Variants in NRG3 observed in about 807,000 individuals in gnomAD.
NRG3 encodes the protein pro-neuregulin-3, membrane-bound isoform.
In NRG3, 31 loss-of-function variants were observed where a neutral mutation model predicts 66.9. The ratio of observed to expected loss-of-function variants is 0.46; its 90% confidence interval spans 0.35 to 0.63. The LOEUF (loss-of-function observed/expected upper bound fraction) is 0.63. Ranked by LOEUF, NRG3 falls within the 20% of genes least tolerant of loss-of-function variation. The pLI is 0.00. For missense variants in NRG3, 910 were observed against 878.9 expected, an observed-to-expected ratio of 1.04 and a Z score of -0.45; for synonymous variants, 393 against 359.4, an observed-to-expected ratio of 1.09 and a Z score of -1.06.
chr10:81,911,059 C>A (rs1307660194), intron 1 of NRG3, among the ~76,000 whole-genome samples: 3 of 152,144 alleles, frequency 2.0e-5, no homozygotes, highest in Non-Finnish European at 2.9e-5. Flanking sequence ...TTTGTGCCAG[C>A]AGATTTTTTT....
intron 2 of NRG3, among the ~76,000 whole-genome samples, chr10:82,441,801 C>T (rs1231133881): frequency 6.6e-6 from 1 of 152,164 alleles, no homozygotes; most frequent in Non-Finnish European, 1.5e-5. Flanking sequence ...CACACACAGC[C>T]TGCTGTGGTG....
chr10:82,636,570 TCC>T (rs1353549393), intron 2 of NRG3, among the ~76,000 whole-genome samples: 4 of 152,214 alleles, frequency 2.6e-5, no homozygotes, highest in Non-Finnish European at 5.9e-5. Context: ...TCCAGGGTTA[TCC>T]ATGTTGCAGC....
chr10:82,462,339 C>A (rs1034224486), intron 2 of NRG3, among the ~76,000 whole-genome samples: 9 of 151,968 alleles, frequency 5.9e-5, no homozygotes, highest in African/African-American at 2.2e-4. Context: ...CTTCTTCTGT[C>A]TCTGCTGCTC....
chr10:82,815,446 T>C (rs1427318325), intron 3 of NRG3, among the ~76,000 whole-genome samples: 1 of 152,196 alleles, frequency 6.6e-6, no homozygotes, highest in Non-Finnish European at 1.5e-5. Flanking sequence ...GACACTTTTG[T>C]TTCTTTAAAT....
intron 2 of NRG3, among the ~76,000 whole-genome samples, chr10:82,417,848 T>A (rs1040052589): frequency 2.0e-5 from 3 of 152,120 alleles, no homozygotes; most frequent in Non-Finnish European, 4.4e-5. Context: ...CCTTGTAACA[T>A]CAGTCTGGCT....
At chr10:82,317,439 CT>C (rs1418858881) in intron 1 of NRG3, among the ~76,000 whole-genome samples, 2 of 152,100 alleles carry the variant, frequency 1.3e-5, no homozygotes, top group African/African-American at 4.8e-5. Context: ...ATATTCTTCT[CT>C]TTAGGTCATA....
intron 1 of NRG3, among the ~76,000 whole-genome samples, chr10:81,900,238 GCGCCTGGCCGGTTTTT>G (rs1843917215): frequency 6.8e-6 from 1 of 146,024 alleles, no homozygotes; most frequent in South Asian, 2.1e-4. Flanking sequence ...ATGAGCCAAT[GCGCCTGGCCGGTTTTT>G]AACGCACACT....
intron 2 of NRG3, among the ~76,000 whole-genome samples, chr10:82,669,247 GGTAATA>G (rs1565184923): frequency 1.1e-5 from 1 of 88,712 alleles, no homozygotes; most frequent in African/African-American, 4.8e-5. Flanking sequence ...CATTTATGAT[GGTAATA>G]ATAATAATAA....
intron 1 of NRG3, among the ~76,000 whole-genome samples, chr10:81,918,856 T>G (rs1019744592): frequency 6.7e-6 from 1 of 149,282 alleles, no homozygotes; most frequent in Non-Finnish European, 1.5e-5. Context: ...CCATAAGCAT[T>G]GAATAGAATC....
In NRG3 at chr10:82,370,949, AACAC is replaced by A. The variant is rs145443212; in HGVS notation, c.953+12105_953+12108del. ...AAGGCAGCTTAAAATCCACCTTACA[AACAC>A]ACACACACACACACACACACACATT... On this transcript the variant is annotated intron_variant, in intron 2 of 8. Transcript: ENST00000372141. Among the ~76,000 whole-genome samples the A allele has an allele frequency of 7.6e-3, 1,113 of 147,180 alleles. 13 individuals are homozygous for A. Among genetic ancestry groups the A allele is most frequent in the African/African-American group, 0.025 (996 of 40,652 alleles).
intron 3 of NRG3, among the ~76,000 whole-genome samples, chr10:82,773,404 G>C (rs1208434395): frequency 6.6e-6 from 1 of 152,004 alleles, no homozygotes; most frequent in African/African-American, 2.4e-5. Flanking sequence ...TGTCTGTTTA[G>C]GTCCTTTGTC....
At chr10:82,318,089 C>T (rs1477993191) in intron 1 of NRG3, among the ~76,000 whole-genome samples, 1 of 151,946 alleles carries the variant, frequency 6.6e-6, no homozygotes, top group African/African-American at 2.4e-5. Context: ...GGTGATAGTA[C>T]CTGTAAAGAT....
At chr10:82,298,301 A>G (rs1189868528) in intron 1 of NRG3, among the ~76,000 whole-genome samples, 1 of 151,818 alleles carries the variant, frequency 6.6e-6, no homozygotes, top group Non-Finnish European at 1.5e-5. Context: ...GAAGGAAGGA[A>G]GGTGTGGAAT....
chr10:82,426,447 C>T (rs1214460224), intron 2 of NRG3, among the ~76,000 whole-genome samples: 1 of 150,140 alleles, frequency 6.7e-6, no homozygotes, highest in Non-Finnish European at 1.5e-5. Flanking sequence ...GTTGTTTGCC[C>T]TGTGACCTAA....
intron 2 of NRG3, among the ~76,000 whole-genome samples, chr10:82,549,537 A>G (rs949446969): frequency 3.9e-5 from 6 of 152,186 alleles, no homozygotes; most frequent in Admixed American, 6.5e-5. Context: ...TTTTAATTCA[A>G]TTCCCTTTGC....
At chr10:81,998,585 GGCTAATATTGTCTACT>G (rs1158075619) in intron 1 of NRG3, among the ~76,000 whole-genome samples, 1 of 152,068 alleles carries the variant, frequency 6.6e-6, no homozygotes, top group African/African-American at 2.4e-5. Context: ...GGGTAAATAA[GGCTAATATTGTCTACT>G]GCTAGGACTG....
At chr10:81,877,086 C>T (rs1323659084) in intron 1 of NRG3, among the ~76,000 whole-genome samples, 2 of 152,186 alleles carry the variant, frequency 1.3e-5, no homozygotes, top group Non-Finnish European at 2.9e-5. Context: ...AACATGTCAC[C>T]GTTAGAATGT....
intron 2 of NRG3, among the ~76,000 whole-genome samples, chr10:82,645,270 T>A (rs2050853856): frequency 6.6e-6 from 1 of 152,294 alleles, no homozygotes; most frequent in Middle Eastern, 3.4e-3. Context: ...AGAGAATATT[T>A]TCTCCTCCAG....
chr10:81,940,736 C>T (rs1472900222), intron 1 of NRG3, among the ~76,000 whole-genome samples: 5 of 151,528 alleles, frequency 3.3e-5, no homozygotes. Context: ...AGTCCAATTC[C>T]AGGTATCGTG....
Sources: gnomAD v4.1 joint callset for allele counts (sites outside exome capture counted in the v4.1 genomes callset) on GRCh38, gnomAD v4.1.1 for gene constraint, MANE v1.5 for transcripts, NCBI Gene and HGNC (gene_info 2026-07-23, HGNC 2026-07-21) for gene names.